The following FOXA3 variants were observed in gnomAD, a reference collection of about 807,000 sequenced individuals.
The protein encoded by FOXA3 is forkhead box A3.
Under a neutral mutation model 16.9 loss-of-function variants are expected in FOXA3, and 11 were observed. That is an observed-to-expected ratio of 0.65 (90% CI 0.41 to 1.08). The LOEUF (loss-of-function observed/expected upper bound fraction) is 1.08. Among genes scored for constraint, FOXA3 ranks in the 50% least tolerant of loss-of-function variants. The probability of loss-of-function intolerance (pLI) is 0.00; values close to 1 mark genes in which losing one functional copy is unlikely to be tolerated. For synonymous variants in FOXA3, 217 were observed against 203.3 expected (o/e 1.07, Z -0.57); for missense variants, 423 against 470.1 (o/e 0.90, Z 0.93).
At chr19:45,869,149 A>G (rs562793706) in intron 1 of FOXA3, among the ~76,000 whole-genome samples, 1 of 150,994 alleles carries the variant, frequency 6.6e-6, no homozygotes, top group Non-Finnish European at 1.5e-5. Flanking sequence ...CTGGTCTCGA[A>G]CTCCCGACCT....
rs374864416 is a variant in FOXA3 at position 45,872,948 on chromosome 19, C to T, written c.943C>T (p.Pro315Ser). The change falls in exon 2 of 2, where the codon CCA becomes TCA. Residue 315 changes from proline to serine, a missense_variant. This residue lies in a region of FOXA3 where 168 missense variants were observed against 179.3 expected (regional missense o/e 0.94). Coordinates refer to ENST00000302177, the MANE Select transcript of FOXA3 (RefSeq NM_004497.3). This position sits in a 1 kb window ranked among gnomAD's most constrained non-coding sequence, Gnocchi z 4.5. ...CAACAACCTAATGTCAGAACAGACA[C>T]CAGCACCTCCCAAACTGGACGTGGG... ...SINNLMSEQT[P>S]APPKLDVGFG... 1.6e-5 allele frequency: 26 copies of T among 1,614,188 alleles called. No homozygotes were observed. The Middle Eastern group carries it at 4.9e-4, about 31-fold the overall frequency.
chr19:45,864,335 G>T lies in FOXA3; in HGVS notation c.-122G>T, dbSNP rs1286647640. 2 of 821,268 alleles carry T rather than the reference G, an allele frequency of 2.4e-6. No homozygotes were observed. Among genetic ancestry groups the T allele is most frequent in the African/African-American group, 1.8e-5 (1 of 56,186 alleles). 50.9% of individuals were successfully genotyped at this position (821,268 alleles called of 1,614,324 possible). On this transcript the variant is annotated 5_prime_UTR_variant, in exon 1 of 2. Coordinates refer to ENST00000302177, the MANE Select transcript of FOXA3 (RefSeq NM_004497.3). Reference sequence around the variant, plus strand: ...GCCTCCCGCGGCGCTCGGGACAGCCGTACCCCGGGCGGTCGGACGGGCGGG... The same window carrying T: ...GCCTCCCGCGGCGCTCGGGACAGCCTTACCCCGGGCGGTCGGACGGGCGGG...
chr19:45,867,937 T>G (rs930491429), intron 1 of FOXA3, among the ~76,000 whole-genome samples: 15 of 131,686 alleles, frequency 1.1e-4, no homozygotes, highest in East Asian at 6.8e-4. Context: ...GGGGCCGAGA[T>G]GGAGGGGAAA....
intron 1 of FOXA3, among the ~76,000 whole-genome samples, chr19:45,866,876 C>T (rs1371518599): frequency 6.6e-6 from 1 of 152,170 alleles, no homozygotes; most frequent in Non-Finnish European, 1.5e-5. Flanking sequence ...TTCACACTGC[C>T]TTCCTCTGCT....
chr19:45,872,029 C>T lies in FOXA3; in HGVS notation c.70-46C>T, dbSNP rs1476124420. On this transcript the variant is annotated intron_variant, in intron 1 of 1. Coordinates refer to ENST00000302177, the MANE Select transcript of FOXA3 (RefSeq NM_004497.3). The surrounding 1 kb of genome is among the most constrained non-coding windows in gnomAD (Gnocchi z 4.5). ...GTGGGTCCTGGGATCCTTTGCTGAC[C>T]AGCAGAGTGGAGCCCCACTGACCCC... 6.3e-7 allele frequency: 1 copy of T among 1,590,538 alleles called. No homozygotes were observed. The highest frequency in any genetic ancestry group is 1.8e-5 in the Admixed American group (1 of 57,108).
chr19:45,864,767 G>T (rs1972064899), intron 1 of FOXA3, among the ~76,000 whole-genome samples: 1 of 152,200 alleles, frequency 6.6e-6, no homozygotes, highest in Non-Finnish European at 1.5e-5. Flanking sequence ...GGAAAATTTA[G>T]CCAAGGGTCG....
Position 45,872,938 on chromosome 19 carries a change from A to AG in FOXA3, c.934dup (p.Glu312GlyfsTer19). On this transcript the variant is annotated frameshift_variant, in exon 2 of 2. Transcript: ENST00000302177. LOFTEE classifies it high-confidence loss of function. The surrounding 1 kb of genome is among the most constrained non-coding windows in gnomAD (Gnocchi z 4.5). ...CTTTCTCCATCAACAACCTAATGTC[A>AG]GAACAGACACCAGCACCTCCCAAAC... 1 of 1,614,134 alleles carries AG rather than the reference A, an allele frequency of 6.2e-7. No homozygotes were observed. The highest frequency in any genetic ancestry group is 8.5e-7 in the Non-Finnish European group (1 of 1,180,006).
At chr19:45,868,597 A>AAG (rs1164074304) in intron 1 of FOXA3, among the ~76,000 whole-genome samples, 2 of 144,888 alleles carry the variant, frequency 1.4e-5, no homozygotes, top group Non-Finnish European at 3.0e-5. Flanking sequence ...AAAAAAAAAA[A>AAG]GCTTACAGTG....
rs979170792 is a variant in FOXA3, at chr19:45,871,941, G to A, written c.70-134G>A. ...AGACCTTGAGAGACTGCTTTCTACA[G>A]ATAGAGGTAATGATGGAAGGGATTT... On this transcript the variant is annotated intron_variant, in intron 1 of 1. Coordinates refer to ENST00000302177, the MANE Select transcript of FOXA3 (RefSeq NM_004497.3). 3.4e-6 allele frequency: 3 copies of A among 883,562 alleles called. No homozygotes were observed. The East Asian group carries it at 7.6e-5, about 22-fold the overall frequency. The allele number at this position is 883,562 out of a possible 1,614,324, so 54.7% of individuals were successfully genotyped here.
In FOXA3 at chr19:45,864,395, A is replaced by G; in HGVS notation, c.-62A>G. On this transcript the variant is annotated 5_prime_UTR_variant, in exon 1 of 2. Transcript: ENST00000302177. ...GAGCTCGGGCCGTGCCCGCTGAGAGATCCAGAGCGCTCCGTTCCCCCGGGG... is the reference window on the plus strand; with the variant it reads ...GAGCTCGGGCCGTGCCCGCTGAGAGGTCCAGAGCGCTCCGTTCCCCCGGGG... The G allele has an allele frequency of 7.6e-7, 1 of 1,316,914 alleles. No individual in the cohort carries two copies. The highest frequency in any genetic ancestry group is 9.9e-7 in the Non-Finnish European group (1 of 1,011,880). 81.6% of individuals were successfully genotyped at this position (1,316,914 alleles called of 1,614,324 possible).
chr19:45,864,404 G>T lies in FOXA3; in HGVS notation c.-53G>T, dbSNP rs1972055308. On this transcript the variant is annotated 5_prime_UTR_variant, in exon 1 of 2. Coordinates refer to ENST00000302177, the MANE Select transcript of FOXA3 (RefSeq NM_004497.3). The stretch of plus-strand genomic sequence containing the variant: ...CCGTGCCCGCTGAGAGATCCAGAGC[G>T]CTCCGTTCCCCCGGGGCCGGAGCGG... The T allele has an allele frequency of 2.2e-6, 3 of 1,338,338 alleles. No individual in the cohort carries two copies. The highest frequency in any genetic ancestry group is 6.3e-5 in the Admixed American group (2 of 31,904). 82.9% of individuals were successfully genotyped at this position (1,338,338 alleles called of 1,614,324 possible).
chr19:45,873,104 C>T lies in FOXA3; in HGVS notation c.*46C>T, dbSNP rs369305438. 5.3e-4 allele frequency: 817 copies of T among 1,555,916 alleles called. 5 individuals are homozygous for T. The African/African-American group carries it at 6.8e-3, about 13-fold the overall frequency. ...GTGGGTATGGCTGGAGCTCACACCA[C>T]GAAGCTCTTGGGGCCTGATCCTTCT... On this transcript the variant is annotated 3_prime_UTR_variant, in exon 2 of 2. Transcript: ENST00000302177.
intron 1 of FOXA3, among the ~76,000 whole-genome samples, chr19:45,871,137 A>C (rs1009858442): frequency 1.3e-4 from 20 of 152,176 alleles, no homozygotes; most frequent in African/African-American, 4.8e-4. Context: ...GATGTGGGTT[A>C]TGTCTATCTA....
intron 1 of FOXA3, among the ~76,000 whole-genome samples, chr19:45,871,396 T>C (rs938679641): frequency 2.6e-5 from 4 of 152,020 alleles, no homozygotes; most frequent in African/African-American, 9.7e-5. Flanking sequence ...AAAACTCCAC[T>C]GTACACTTCA....
At chr19:45,869,284 G>T (rs1447229881) in intron 1 of FOXA3, among the ~76,000 whole-genome samples, 1 of 152,048 alleles carries the variant, frequency 6.6e-6, no homozygotes, top group Non-Finnish European at 1.5e-5. Flanking sequence ...TCTGGAGCCA[G>T]ACTGCCTGGT....
chr19:45,864,470 T>G lies in FOXA3; in HGVS notation c.14T>G (p.Val5Gly). ...TAAGCCCGGGGGATGCTGGGCTCAG[T>G]GAAGATGGAGGCCCATGACCTGGCC... MLGS[V>G]KMEAHDLAEW... The change falls in exon 1 of 2, where the codon GTG becomes GGG. Residue 5 changes from valine (V) to glycine (G), a missense_variant. Physicochemically the swap from Val to Gly is moderately radical, Grantham distance 109. This residue lies in a region of FOXA3 where 170 missense variants were observed against 153.9 expected (regional missense o/e 1.10). Coordinates refer to ENST00000302177, the MANE Select transcript of FOXA3 (RefSeq NM_004497.3). 2 of 1,520,258 alleles carry G rather than the reference T, an allele frequency of 1.3e-6. No homozygotes were observed. Among genetic ancestry groups the G allele is most frequent in the Non-Finnish European group, 1.8e-6 (2 of 1,128,940 alleles). The allele number at this position is 1,520,258 out of a possible 1,614,324, so 94.2% of individuals were successfully genotyped here.
chr19:45,871,238 A>G (rs145566802), intron 1 of FOXA3, among the ~76,000 whole-genome samples: 1 of 152,358 alleles, frequency 6.6e-6, no homozygotes, highest in African/African-American at 2.4e-5. Flanking sequence ...AAAGATTTTT[A>G]TTAAAAAAAC....
chr19:45,866,777 CCT>C (rs756136778), intron 1 of FOXA3, among the ~76,000 whole-genome samples: 2 of 152,178 alleles, frequency 1.3e-5, no homozygotes, highest in Non-Finnish European at 2.9e-5. Context: ...CAGCTGCTCC[CCT>C]GTTTTAGAGG....
chr19:45,865,106 T>C (rs532481054), intron 1 of FOXA3, among the ~76,000 whole-genome samples: 8 of 152,040 alleles, frequency 5.3e-5, no homozygotes, highest in Admixed American at 4.6e-4. Flanking sequence ...AGATGAAGCT[T>C]CGTTTTTGGA....
Sources: allele counts gnomAD v4.1 joint callset (sites outside exome capture counted in the v4.1 genomes callset), GRCh38; gene constraint gnomAD v4.1.1; regional missense constraint gnomAD v4.1.1; non-coding constraint Gnocchi (gnomAD v3.1); transcripts MANE v1.5; gene names NCBI Gene and HGNC (gene_info 2026-07-23, HGNC 2026-07-21).